The following TCP11L1 variants were observed in gnomAD, a reference collection of about 807,000 sequenced individuals.
TCP11L1 encodes t-complex 11 like 1, also known as T-complex protein 11-like protein 1.
In TCP11L1, 28 loss-of-function variants were observed where a neutral mutation model predicts 48.9. The ratio of observed to expected loss-of-function variants is 0.57; its 90% CI spans 0.42 to 0.78. TCP11L1 has a LOEUF of 0.78. TCP11L1 is among the 30% of genes least tolerant of loss of function. The pLI, the probability that TCP11L1 is intolerant of heterozygous loss-of-function variation, is 0.00. For synonymous variants in TCP11L1, 204 were observed against 231.9 expected (o/e 0.88, Z 1.09); for missense variants, 505 against 613.4 (o/e 0.82, Z 1.87).
chr11:33,073,462 TTACTG>T lies in TCP11L1; in HGVS notation c.*789_*793del, dbSNP rs1854856591. ...AGGAGGAAATGTATTGAAAAATAGT[TTACTG>T]TAATGTGAACGAAGAGAAATGTCTG... On this transcript the variant is annotated 3_prime_UTR_variant, in exon 10 of 10. Coordinates refer to ENST00000334274, the MANE Select transcript of TCP11L1 (RefSeq NM_018393.4). The T allele has an allele frequency of 6.7e-6, 1 of 148,766 alleles. No individual in the cohort carries two copies. The highest frequency in any genetic ancestry group is 2.4e-5 in the African/African-American group (1 of 41,204). The allele number at this position is 148,766 out of a possible 1,614,324, so 9.2% of individuals were successfully genotyped here.
At chr11:33,047,614 C>T (rs1048211667) in intron 2 of TCP11L1, among the ~76,000 whole-genome samples, 4 of 152,138 alleles carry the variant, frequency 2.6e-5, no homozygotes, top group Non-Finnish European at 5.9e-5. Context: ...ATAGATGACA[C>T]GAGAACTTAC....
chr11:33,048,740 G>A (rs1998158), intron 2 of TCP11L1, among the ~76,000 whole-genome samples: 44,765 of 151,868 alleles, frequency 0.29, 6,976 homozygotes, highest in East Asian at 0.42. Flanking sequence ...TTTAAAATTC[G>A]GAGGATTCTT....
chr11:33,071,876 G>C (rs911982642), intron 9 of TCP11L1, among the ~76,000 whole-genome samples: 3 of 151,658 alleles, frequency 2.0e-5, no homozygotes, highest in African/African-American at 7.3e-5. Flanking sequence ...GACAGAGTCT[G>C]GCTCTGTCGC....
intron 8 of TCP11L1, among the ~76,000 whole-genome samples, chr11:33,068,100 G>A (rs1374770794): frequency 6.6e-6 from 1 of 152,140 alleles, no homozygotes; most frequent in East Asian, 1.9e-4. Flanking sequence ...TGTATTTTTA[G>A]TAGAGATGGG....
intron 5 of TCP11L1, 132 bp from the exon 6 acceptor site, chr11:33,058,827 C>T: frequency 1.1e-6 from 1 of 912,050 alleles, no homozygotes; most frequent in East Asian, 2.7e-5. Flanking sequence ...AACTCCTGGG[C>T]TCAAGCAGTC....
chr11:33,053,439 A>G (rs1221550252), intron 2 of TCP11L1, among the ~76,000 whole-genome samples: 1 of 150,792 alleles, frequency 6.6e-6, no homozygotes. Flanking sequence ...GCCTTGCCTT[A>G]TCATAGGCTT....
chr11:33,062,303 C>A (rs573897970), intron 7 of TCP11L1, among the ~76,000 whole-genome samples: 1 of 151,616 alleles, frequency 6.6e-6, no homozygotes. Context: ...TGCCCTCCCC[C>A]CCTCCCTCCA....
At chr11:33,054,763 CTG>C in intron 3 of TCP11L1, 38 bp downstream of exon 3, 1 of 1,575,370 alleles carries the variant, frequency 6.3e-7, no homozygotes, top group African/African-American at 1.4e-5. Flanking sequence ...TAGTAGAACA[CTG>C]TCATTTCCCA....
intron 6 of TCP11L1, among the ~76,000 whole-genome samples, chr11:33,061,231 C>T (rs762175020): frequency 3.3e-5 from 5 of 152,150 alleles, no homozygotes; most frequent in Admixed American, 6.5e-5. Flanking sequence ...GCTGGGATTA[C>T]AGGCATGAGC....
Position 33,072,806 on chromosome 11 carries a change from T to C in TCP11L1, c.*130T>C. 1.0e-6 allele frequency: 1 copy of C among 985,092 alleles called. No homozygotes were observed. The highest frequency in any genetic ancestry group is 1.5e-6 in the Non-Finnish European group (1 of 653,710). The allele number at this position is 985,092 out of a possible 1,614,324, so 61.0% of individuals were successfully genotyped here. A position where few individuals can be genotyped will look rare whatever the true frequency, so the allele number is the denominator to read the frequency against. ...ACAGCACCGATTCCAAAGGGAAGAA[T>C]ATTGTGTATCACTGTTGAAAAGACT... On this transcript the variant is annotated 3_prime_UTR_variant, in exon 10 of 10. Coordinates refer to ENST00000334274, the MANE Select transcript of TCP11L1 (RefSeq NM_018393.4).
intron 7 of TCP11L1, among the ~76,000 whole-genome samples, chr11:33,062,719 T>C (rs1455299855): frequency 6.6e-6 from 1 of 152,172 alleles, no homozygotes; most frequent in Non-Finnish European, 1.5e-5. Flanking sequence ...CTACTTTGAG[T>C]CTCTGTGAAT....
chr11:33,051,859 T>C (rs1162636577), intron 2 of TCP11L1, among the ~76,000 whole-genome samples: 1 of 152,262 alleles, frequency 6.6e-6, no homozygotes, highest in African/African-American at 2.4e-5. Flanking sequence ...TGTCTTGTTA[T>C]AGTTTTATAA....
At chr11:33,040,796 A>G (rs11032112) in intron 1 of TCP11L1, 46,046 of 150,986 alleles carry the variant, frequency 0.3, 7,267 homozygotes, top group East Asian at 0.41. Flanking sequence ...CCCTCCAGAC[A>G]TGTTTTAACT....
At chr11:33,061,140 G>A (rs1854453960) in intron 6 of TCP11L1, among the ~76,000 whole-genome samples, 1 of 152,022 alleles carries the variant, frequency 6.6e-6, no homozygotes, top group Non-Finnish European at 1.5e-5. Context: ...ATCTTTTGTA[G>A]AGACAGAGCC....
At chr11:33,069,011 C>T in intron 9 of TCP11L1, 152 bp downstream of exon 9, 1 of 965,640 alleles carries the variant, frequency 1.0e-6, no homozygotes, top group Non-Finnish European at 1.5e-6. Flanking sequence ...CAGGGCCACC[C>T]AACAGATGGG....
At position 33,058,032 on chromosome 11, in the gene TCP11L1, C is replaced by T. The variant is rs1854359867; in HGVS notation, c.531C>T (p.Ser177=). The change falls in exon 5 of 10, where the codon TCC becomes TCT. Residue 177 remains serine, a synonymous_variant. Transcript: ENST00000334274. Reference sequence around the variant, plus strand: ...CAGAGAATGGGGCGCTAGACATTTCCAAGCTGGCAGAATTCATTATTGGCA... The same window carrying T: ...CAGAGAATGGGGCGCTAGACATTTCTAAGCTGGCAGAATTCATTATTGGCA... The part of the protein sequence containing the change: ...QEAENGALDI[S]KLAEFIIGMM... The T allele has an allele frequency of 6.2e-7, 1 of 1,614,036 alleles. No individual in the cohort carries two copies. Among genetic ancestry groups the T allele is most frequent in the East Asian group, 2.2e-5 (1 of 44,872 alleles).
At chr11:33,065,165 T>A (rs1854579183) in intron 7 of TCP11L1, among the ~76,000 whole-genome samples, 1 of 152,190 alleles carries the variant, frequency 6.6e-6, no homozygotes, top group African/African-American at 2.4e-5. Flanking sequence ...GCCAGCCACT[T>A]TATATGTAGC....
intron 7 of TCP11L1, among the ~76,000 whole-genome samples, chr11:33,064,626 C>G (rs1159227701): frequency 6.6e-6 from 1 of 152,184 alleles, no homozygotes; most frequent in Non-Finnish European, 1.5e-5. Context: ...TGTTCTCTGT[C>G]ACTTCTACTC....
intron 2 of TCP11L1, 70 bp downstream of exon 2, chr11:33,044,006 C>T (rs1853914565): frequency 6.9e-7 from 1 of 1,445,260 alleles, no homozygotes; most frequent in African/African-American, 1.4e-5. Flanking sequence ...ATGAGGCCTC[C>T]TTGTGCATGT....
Sources: gnomAD v4.1 joint callset for allele counts (sites outside exome capture counted in the v4.1 genomes callset) on GRCh38, gnomAD v4.1.1 for gene constraint, MANE v1.5 for transcripts, NCBI Gene and HGNC (gene_info 2026-07-23, HGNC 2026-07-21) for gene names.